The following NFX1 variants were observed in gnomAD, a reference collection of about 807,000 sequenced individuals.
NFX1 encodes nuclear transcription factor, X-box binding 1.
Under a neutral mutation model 137.2 loss-of-function variants are expected in NFX1, and 69 were observed. The ratio of observed to expected loss-of-function variants is 0.50; its 90% CI spans 0.41 to 0.61. The LOEUF (loss-of-function observed/expected upper bound fraction) is 0.61, where lower values mean the gene tolerates loss of function less well. Among genes scored for constraint, NFX1 ranks in the 20% least tolerant of loss-of-function variants. The pLI is 0.00. For missense variants in NFX1, 1,167 were observed against 1,391.0 expected (o/e 0.84, Z 2.56); for synonymous variants, 495 against 474.1 (o/e 1.04, Z -0.57).
chr9:33,344,063 C>T lies in NFX1; in HGVS notation c.2225-6C>T. The T allele has an allele frequency of 6.2e-7, 1 of 1,613,784 alleles. No homozygotes were observed. The highest frequency in any genetic ancestry group is 8.5e-7 in the Non-Finnish European group (1 of 1,179,820). On this transcript the variant is annotated splice_region_variant and splice_polypyrimidine_tract_variant and intron_variant, in intron 13 of 23. Transcript: ENST00000379540. ...GATTCTTTTGTTTTACCTGCTGCTC[C>T]ACCAGGTTTTGATGAATTAACCTGC...
intron 9 of NFX1, among the ~76,000 whole-genome samples, chr9:33,328,227 A>G (rs920402762): frequency 2.0e-5 from 3 of 150,158 alleles, no homozygotes; most frequent in Admixed American, 6.6e-5. Context: ...GGGTTTCACC[A>G]TGTTCCCAGG....
intron 19 of NFX1, among the ~76,000 whole-genome samples, chr9:33,355,538 C>T (rs967203290): frequency 1.1e-4 from 16 of 151,800 alleles, no homozygotes; most frequent in African/African-American, 3.9e-4. Context: ...CATTTTTATT[C>T]CTGCATGATT....
intron 19 of NFX1, among the ~76,000 whole-genome samples, chr9:33,357,194 C>G (rs1257138534): frequency 1.3e-5 from 2 of 151,844 alleles, no homozygotes; most frequent in South Asian, 4.2e-4. Context: ...CCCAGCTACT[C>G]GGGAAGCTGA....
At chr9:33,318,598 A>G (rs1822263161) in intron 7 of NFX1, 133 bp from the exon 8 acceptor site, 2 of 770,122 alleles carry the variant, frequency 2.6e-6, no homozygotes, top group Non-Finnish European at 4.4e-6. Context: ...TCAGTACTCT[A>G]TTTGGCCTCC....
intron 14 of NFX1, among the ~76,000 whole-genome samples, chr9:33,345,303 C>G (rs1380852300): frequency 2.6e-5 from 4 of 151,968 alleles, no homozygotes; most frequent in African/African-American, 9.7e-5. Context: ...ATGGTAAAAC[C>G]CTGTCTCTAC....
rs761709550 is a variant in NFX1, at chr9:33,367,524, C to T, written c.3195C>T (p.Ser1065=). ...TTTTGACTTTTATCAGGGGGAAGTCCGTTTGTCCTCCTACCACGCTGACAG... is the reference window on the plus strand; with the variant it reads ...TTTTGACTTTTATCAGGGGGAAGTCTGTTTGTCCTCCTACCACGCTGACAG... ...NVVVTAIRGK[S]VCPPTTLTGV... Residue 1065 remains serine, a synonymous_variant, in exon 23 of 24, where the codon TCC becomes TCT. Coordinates refer to ENST00000379540, the MANE Select transcript of NFX1 (RefSeq NM_002504.6). The T allele has an allele frequency of 3.1e-5, 50 of 1,613,638 alleles. No individual in the cohort carries two copies. The highest frequency in any genetic ancestry group is 1.4e-4 in the South Asian group (13 of 91,056).
intron 9 of NFX1, among the ~76,000 whole-genome samples, chr9:33,325,636 C>T (rs1822556668): frequency 6.6e-6 from 1 of 152,022 alleles, no homozygotes; most frequent in South Asian, 2.1e-4. Context: ...TGCACTCCAG[C>T]CTGGGCAACA....
At chr9:33,342,126 T>TCACACACACA (rs1473181302) in intron 12 of NFX1, among the ~76,000 whole-genome samples, 11 of 141,426 alleles carry the variant, frequency 7.8e-5, no homozygotes, top group African/African-American at 3.3e-4. Context: ...TGTCTCTCTC[T>TCACACACACA]CTCACACACA....
chr9:33,364,998 G>A, intron 21 of NFX1: 1 of 1,346,598 alleles, frequency 7.4e-7, no homozygotes, highest in Non-Finnish European at 9.6e-7. Flanking sequence ...AGTCGGCTGG[G>A]CACAGTGTCT....
intron 15 of NFX1, among the ~76,000 whole-genome samples, chr9:33,349,695 G>A (rs1286532892): frequency 6.6e-6 from 1 of 152,084 alleles, no homozygotes; most frequent in East Asian, 1.9e-4. Flanking sequence ...AAGAATTGGG[G>A]GTTCTATCCC....
Position 33,294,923 on chromosome 9 carries a change from A to G in NFX1, c.529A>G (p.Ser177Gly). The part of the protein sequence containing the change: ...KPKKATQFVY[S>G]YGRGPKVKGK... ...CAAAAAAGCAACACAGTTTGTATAC[A>G]GCTATGGTAGAGGACCAAAAGTCAA... Residue 177 changes from serine (S) to glycine (G), a missense_variant, in exon 2 of 24, where the codon AGC (serine) becomes GGC (glycine). Ser to Gly is a moderately conservative substitution (Grantham distance 56). Around this residue, in one of 3 missense-constraint regions of NFX1, gnomAD observed 367 missense variants for 386.7 expected, o/e 0.95. Transcript: ENST00000379540. 1 of 1,614,172 alleles carries G rather than the reference A, an allele frequency of 6.2e-7. No homozygotes were observed. The highest frequency in any genetic ancestry group is 8.5e-7 in the Non-Finnish European group (1 of 1,180,028).
At chr9:33,342,919 G>A (rs1183347752) in intron 13 of NFX1, 65 bp downstream of exon 13, 1 of 1,042,142 alleles carries the variant, frequency 9.6e-7, no homozygotes, top group Non-Finnish European at 1.4e-6. Flanking sequence ...AATATACTTT[G>A]AGAGATTGAT....
chr9:33,334,884 G>A (rs890743429), intron 11 of NFX1, among the ~76,000 whole-genome samples: 1 of 152,124 alleles, frequency 6.6e-6, no homozygotes, highest in Non-Finnish European at 1.5e-5. Context: ...ACTTTATGAT[G>A]CAAAATTTCA....
intron 11 of NFX1, among the ~76,000 whole-genome samples, chr9:33,334,681 A>G (rs1479502396): frequency 6.6e-6 from 1 of 152,192 alleles, no homozygotes; most frequent in Non-Finnish European, 1.5e-5. Flanking sequence ...TACTGTCTGC[A>G]GCTTATTTTC....
chr9:33,319,246 T>C (rs1822293434), intron 9 of NFX1, 119 bp downstream of exon 9: 5 of 830,560 alleles, frequency 6.0e-6, no homozygotes, highest in Non-Finnish European at 7.5e-6. Flanking sequence ...CTAAATATTA[T>C]GATCATATTT....
intron 14 of NFX1, among the ~76,000 whole-genome samples, chr9:33,344,717 T>C (rs541230510): frequency 6.6e-6 from 1 of 151,712 alleles, no homozygotes; most frequent in Non-Finnish European, 1.5e-5. Flanking sequence ...AATACAAAAA[T>C]TAGCTGGGCA....
intron 2 of NFX1, among the ~76,000 whole-genome samples, chr9:33,296,738 GTTAC>G (rs1821371807): frequency 6.6e-6 from 1 of 152,130 alleles, no homozygotes; most frequent in African/African-American, 2.4e-5. Context: ...GGGGAAAAAA[GTTAC>G]TTTAGTCACA....
intron 5 of NFX1, 42 bp downstream of exon 5, chr9:33,307,341 T>A: frequency 1.3e-6 from 2 of 1,545,544 alleles, no homozygotes; most frequent in Non-Finnish European, 1.8e-6. Context: ...CTGGTGGACA[T>A]GCTTTGCTGG....
rs537743583 is a variant in NFX1, at chr9:33,337,772, G to A, written c.2036-738G>A. On this transcript the variant is annotated intron_variant, in intron 11 of 23. Coordinates refer to ENST00000379540, the MANE Select transcript of NFX1 (RefSeq NM_002504.6). Reference sequence around the variant, plus strand: ...AAAACAAAACAAAAACTGATGGCCGGGCATGGTGGTTCACACCTGTAATCC... The same window carrying A: ...AAAACAAAACAAAAACTGATGGCCGAGCATGGTGGTTCACACCTGTAATCC... 8.6e-5 allele frequency among the ~76,000 whole-genome samples: 13 copies of A among 151,552 alleles called. No individual in the cohort carries two copies. In the South Asian group the frequency reaches 2.3e-3, roughly 27 times the overall value.
Sources: gnomAD v4.1 joint callset for allele counts (sites outside exome capture counted in the v4.1 genomes callset) on GRCh38, gnomAD v4.1.1 for gene constraint, gnomAD v4.1.1 regional missense constraint, MANE v1.5 for transcripts, NCBI Gene and HGNC (gene_info 2026-07-23, HGNC 2026-07-21) for gene names.